The following SLC6A18 variants were observed in gnomAD, a reference collection of about 807,000 sequenced individuals.
SLC6A18 encodes the protein inactive sodium-dependent neutral amino acid transporter B(0)AT3.
A neutral mutation model predicts 62.9 loss-of-function variants in SLC6A18; 58 were observed. That is an observed-to-expected ratio of 0.92 (90% CI 0.75 to 1.15). The LOEUF is 1.15. Among genes scored for constraint, SLC6A18 ranks in the 50% most tolerant of loss-of-function variants. SLC6A18 has a pLI of 0.00. For missense variants in SLC6A18, 793 were observed against 836.6 expected (o/e 0.95, Z 0.64); for synonymous variants, 382 against 365.8 (o/e 1.04, Z -0.51).
At chr5:1,239,048 C>A (rs1746978820) in intron 5 of SLC6A18, among the ~76,000 whole-genome samples, 1 of 152,238 alleles carries the variant, frequency 6.6e-6, no homozygotes, top group Non-Finnish European at 1.5e-5. Context: ...TCCCAGGCCC[C>A]AGAAGCAGAA....
intron 11 of SLC6A18, 35 bp from the exon 12 acceptor site, chr5:1,245,813 G>T: frequency 6.3e-7 from 1 of 1,575,696 alleles, no homozygotes; most frequent in East Asian, 2.3e-5. Context: ...GGCCCAGGGT[G>T]GCCGGCGCCA....
rs941669368 is a variant in SLC6A18, at chr5:1,243,264, T to G, written c.1132-291T>G. 6.6e-5 allele frequency among the ~76,000 whole-genome samples: 10 copies of G among 151,992 alleles called. No homozygotes were observed. The highest frequency in any genetic ancestry group is 2.6e-4 in the Admixed American group (4 of 15,260). On this transcript the variant is annotated intron_variant, in intron 8 of 11. Coordinates refer to ENST00000324642, the MANE Select transcript of SLC6A18 (RefSeq NM_182632.3). This position sits in a 1 kb window ranked among gnomAD's most constrained non-coding sequence, Gnocchi z 6.5. ...CAGGGGGGCACAGCCAGGAGGCAGG[T>G]GTGGGATGCATCTCAGGGTGCCTGA...
At position 1,241,184 on chromosome 5, in the gene SLC6A18, G is replaced by C. The variant is rs1156864474; in HGVS notation, c.974+525G>C. 6.6e-6 allele frequency among the ~76,000 whole-genome samples: 1 copy of C among 152,164 alleles called. No homozygotes were observed. Among genetic ancestry groups the C allele is most frequent in the Non-Finnish European group, 1.5e-5 (1 of 68,028 alleles). On this transcript the variant is annotated intron_variant, in intron 7 of 11. Transcript: ENST00000324642. This position sits in a 1 kb window ranked among gnomAD's most constrained non-coding sequence, Gnocchi z 7.8. ...GTTTGCTGCGGTGGTCCCAGGACCT[G>C]ATGCAGTTAGGTTGTCCCCTGCACA...
rs61528804 is a variant in SLC6A18 at position 1,237,240 on chromosome 5, CAAAAAAAAA to C, written c.622-695_622-687del. 3.9e-5 allele frequency among the ~76,000 whole-genome samples: 3 copies of C among 76,468 alleles called. 1 individual carries two copies. The East Asian group carries it at 1.2e-3, about 30-fold the overall frequency. 50.2% of individuals were successfully genotyped at this position (76,468 alleles called of 152,430 possible). ...TGGGCAAGAGAGCAAGACTCTGTCT[CAAAAAAAAA>C]AAAAAAAAAAAAAATGCATCCCAGG... is the stretch of plus-strand genomic sequence containing the variant. On this transcript the variant is annotated intron_variant, in intron 4 of 11. Coordinates refer to ENST00000324642, the MANE Select transcript of SLC6A18 (RefSeq NM_182632.3).
In SLC6A18 at chr5:1,243,721, G is replaced by C; in HGVS notation, c.1298G>C (p.Gly433Ala). The C allele has an allele frequency of 1.2e-6, 2 of 1,613,396 alleles. No homozygotes were observed. The highest frequency in any genetic ancestry group is 1.7e-6 in the Non-Finnish European group (2 of 1,179,816). ...EAVITPLLDV[G>A]VLPRWVPKEA... ...GTCATCACACCCCTGCTGGACGTGG[G>C]GGTCCTGCCTAGATGGGTCCCCAAG... is the stretch of plus-strand genomic sequence containing the variant. Residue 433 changes from glycine (G) to alanine (A), a missense_variant, in exon 9 of 12, where the codon GGG (glycine) becomes GCG (alanine). By Grantham distance (60) the Gly-to-Ala change is moderately conservative (BLOSUM62 0). Transcript: ENST00000324642. The surrounding 1 kb of genome is among the most constrained non-coding windows in gnomAD (Gnocchi z 6.5).
In SLC6A18 at chr5:1,241,174, C is replaced by T. The variant is rs1747051482; in HGVS notation, c.974+515C>T. On this transcript the variant is annotated intron_variant, in intron 7 of 11. Transcript: ENST00000324642. This position sits in a 1 kb window ranked among gnomAD's most constrained non-coding sequence, Gnocchi z 7.8. Reference sequence around the variant, plus strand: ...ATTGCTGGTCGTTTGCTGCGGTGGTCCCAGGACCTGATGCAGTTAGGTTGT... The same window carrying T: ...ATTGCTGGTCGTTTGCTGCGGTGGTTCCAGGACCTGATGCAGTTAGGTTGT... 6.6e-6 allele frequency among the ~76,000 whole-genome samples: 1 copy of T among 152,160 alleles called. No individual in the cohort carries two copies. The highest frequency in any genetic ancestry group is 1.5e-5 in the Non-Finnish European group (1 of 68,028).
chr5:1,226,482 C>A (rs925156030), intron 1 of SLC6A18, among the ~76,000 whole-genome samples: 1 of 152,204 alleles, frequency 6.6e-6, no homozygotes, highest in Admixed American at 6.5e-5. Context: ...GTTCCCCGGG[C>A]CCTCAGCTCC....
Position 1,232,207 on chromosome 5 carries a change from C to T in SLC6A18, c.161-12C>T. The T allele has an allele frequency of 6.2e-7, 1 of 1,608,106 alleles. No homozygotes were observed. The highest frequency in any genetic ancestry group is 2.2e-5 in the East Asian group (1 of 44,702). ...CGACCCTGGGCAGGTGCTGACCACC[C>T]CCTCCTCACAGGGGCCTTCCTCATC... On this transcript the variant is annotated splice_polypyrimidine_tract_variant and intron_variant, in intron 1 of 11. Transcript: ENST00000324642.
chr5:1,244,188 C>G (rs770233230), intron 9 of SLC6A18, 26 bp from the exon 10 acceptor site: 1 of 1,572,670 alleles, frequency 6.4e-7, no homozygotes, highest in Admixed American at 1.7e-5. Context: ...CCCCTTACCC[C>G]CCACACCCCT....
In SLC6A18 at chr5:1,242,995, A is replaced by T. The variant is rs34541923; in HGVS notation, c.1131+132A>T. On this transcript the variant is annotated intron_variant, in intron 8 of 11. Transcript: ENST00000324642. ...CAGGGCCAGGGCCTGTGAACCAAGAACCCCAGTCTATCTTTGTCTCAGGTT... is the reference window on the plus strand; with the variant it reads ...CAGGGCCAGGGCCTGTGAACCAAGATCCCCAGTCTATCTTTGTCTCAGGTT... The T allele has an allele frequency of 9.7e-4, 1,051 of 1,078,084 alleles. 7 individuals carry two copies. The East Asian group carries it at 0.016, about 16-fold the overall frequency. The allele number at this position is 1,078,084 out of a possible 1,614,324, so 66.8% of individuals were successfully genotyped here.
chr5:1,242,765 G>T lies in SLC6A18; in HGVS notation c.1033G>T (p.Asp345Tyr), dbSNP rs201233463. 2.5e-6 allele frequency: 4 copies of T among 1,613,906 alleles called. No individual in the cohort carries two copies. The South Asian group carries it at 3.3e-5, about 13-fold the overall frequency. Reference sequence around the variant, plus strand: ...CCCAGAGCAGAGCATCTCCAGGGACGACTACCCAGCCGTCCTCATGCACCT... The same window carrying T: ...CCCAGAGCAGAGCATCTCCAGGGACTACTACCCAGCCGTCCTCATGCACCT... The part of the protein sequence containing the change: ...DFPEQSISRD[D>Y]YPAVLMHLNA... The change falls in exon 8 of 12, where the codon GAC becomes TAC. Residue 345 changes from aspartate to tyrosine, a missense_variant. By Grantham distance (160) the Asp-to-Tyr change is radical (BLOSUM62 -3). Transcript: ENST00000324642.
chr5:1,238,424 G>A (rs969856642), intron 5 of SLC6A18, among the ~76,000 whole-genome samples: 3 of 90,532 alleles, frequency 3.3e-5, no homozygotes, highest in South Asian at 3.0e-4. Flanking sequence ...GGGGCCTCAG[G>A]AAAGAGGTCA....
At chr5:1,233,949 GC>G (rs1746814000) in intron 3 of SLC6A18, among the ~76,000 whole-genome samples, 2 of 152,072 alleles carry the variant, frequency 1.3e-5, no homozygotes, top group Non-Finnish European at 2.9e-5. Context: ...CACCATGTTA[GC>G]CAGGATGGTC....
At chr5:1,236,445 C>G (rs537851813) in intron 4 of SLC6A18, among the ~76,000 whole-genome samples, 1 of 152,308 alleles carries the variant, frequency 6.6e-6, no homozygotes, top group African/African-American at 2.4e-5. Context: ...AAGCGATTAT[C>G]TTTCAAAGAG....
rs1747135145 is a variant in SLC6A18 at position 1,243,781 on chromosome 5, C to T, written c.1336+22C>T. 1.3e-6 allele frequency: 2 copies of T among 1,566,250 alleles called. No individual in the cohort carries two copies. Among genetic ancestry groups the T allele is most frequent in the African/African-American group, 1.4e-5 (1 of 74,030 alleles). On this transcript the variant is annotated intron_variant, in intron 9 of 11. Coordinates refer to ENST00000324642, the MANE Select transcript of SLC6A18 (RefSeq NM_182632.3). This position sits in a 1 kb window ranked among gnomAD's most constrained non-coding sequence, Gnocchi z 6.5. ...ACTGGTGAGCGCACAGCTCCGCCGC[C>T]CTGGAGGACCCGTCCCCAGCATCTG...
At chr5:1,226,056 CAT>C (rs1463224213) in intron 1 of SLC6A18, among the ~76,000 whole-genome samples, 16 of 152,234 alleles carry the variant, frequency 1.1e-4, no homozygotes, top group Admixed American at 3.9e-4. Context: ...TGTGTCCAGA[CAT>C]GTGCTCAGGT....
chr5:1,246,058 C>CCGGACACGGACATGCGCT lies in SLC6A18; in HGVS notation c.1868_1885dup (p.Arg628_Ter629insSerAspThrAspMetArg). On this transcript the variant is annotated inframe_insertion, in exon 12 of 12. Transcript: ENST00000324642. ...CACGCGCCCAGACACGGACATGCGC[C>CCGGACACGGACATGCGCT]CGGACACGGACATGCGCTGAAGCCG... The CCGGACACGGACATGCGCT allele has an allele frequency of 1.3e-6, 2 of 1,586,818 alleles. No individual in the cohort carries two copies. The highest frequency in any genetic ancestry group is 2.3e-5 in the East Asian group (1 of 43,918).
chr5:1,243,872 A>G lies in SLC6A18; in HGVS notation c.1336+113A>G. 9.6e-7 allele frequency: 1 copy of G among 1,047,112 alleles called. No individual in the cohort carries two copies. Among genetic ancestry groups the G allele is most frequent in the Non-Finnish European group, 1.3e-6 (1 of 742,718 alleles). 64.9% of individuals were successfully genotyped at this position (1,047,112 alleles called of 1,614,324 possible). A position where few individuals can be genotyped will look rare whatever the true frequency, so the allele number is the denominator to read the frequency against. The stretch of plus-strand genomic sequence containing the variant: ...TGGAGAGCGCAAGGGGCCAAGCCTG[A>G]GTTCAGGGAAAGGCTGAGCCAGGCT... On this transcript the variant is annotated intron_variant, in intron 9 of 11. Coordinates refer to ENST00000324642, the MANE Select transcript of SLC6A18 (RefSeq NM_182632.3). The surrounding 1 kb of genome is among the most constrained non-coding windows in gnomAD (Gnocchi z 6.5).
intron 4 of SLC6A18, among the ~76,000 whole-genome samples, chr5:1,237,370 C>A (rs73034544): frequency 2.1e-4 from 32 of 151,792 alleles, no homozygotes; most frequent in Non-Finnish European, 4.7e-4. Flanking sequence ...AGTGTGTAGA[C>A]CCTTGTCTAC....
Sources: allele counts gnomAD v4.1 joint callset (sites outside exome capture counted in the v4.1 genomes callset), GRCh38; gene constraint gnomAD v4.1.1; non-coding constraint Gnocchi (gnomAD v3.1); transcripts MANE v1.5; gene names NCBI Gene and HGNC (gene_info 2026-07-23, HGNC 2026-07-21).